Variants in AKT3 observed in about 807,000 individuals in gnomAD.
AKT3 encodes RAC-gamma serine/threonine-protein kinase.
AKT3 carries 15 observed loss-of-function variants against 65.3 expected under a neutral mutation model. That is an observed-to-expected ratio of 0.23 (90% CI 0.15 to 0.35). The LOEUF (loss-of-function observed/expected upper bound fraction) is 0.35, where lower values mean the gene tolerates loss of function less well. Among genes scored for constraint, AKT3 ranks in the 10% least tolerant of loss-of-function variants. The pLI is 1.00. For missense variants in AKT3, 243 were observed against 576.5 expected (o/e 0.42, Z 5.92); for synonymous variants, 206 against 183.8 (o/e 1.12, Z -0.98).
chr1:243,762,107 T>C (rs1472224980), intron 2 of AKT3, among the ~76,000 whole-genome samples: 1 of 152,128 alleles, frequency 6.6e-6, no homozygotes. Flanking sequence ...ATTCTGAGTG[T>C]CTAAGAATTT....
At chr1:243,554,186 G>C (rs989079548) in intron 10 of AKT3, among the ~76,000 whole-genome samples, 8 of 151,998 alleles carry the variant, frequency 5.3e-5, no homozygotes, top group African/African-American at 1.9e-4. Flanking sequence ...CTTTGGTAGG[G>C]TATTTAAAGA....
chr1:243,700,728 C>T (rs941333383), intron 2 of AKT3, among the ~76,000 whole-genome samples: 1 of 151,858 alleles, frequency 6.6e-6, no homozygotes, highest in Admixed American at 6.6e-5. Context: ...GGTCTCGATC[C>T]CTTGACCTCA....
intron 2 of AKT3, among the ~76,000 whole-genome samples, chr1:243,766,004 G>A (rs563612784): frequency 2.4e-4 from 37 of 152,264 alleles, no homozygotes; most frequent in Middle Eastern, 3.4e-3. Flanking sequence ...GTCCAAAGAG[G>A]TTTAAGCATT....
At chr1:243,736,794 A>C (rs897964863) in intron 2 of AKT3, among the ~76,000 whole-genome samples, 5 of 152,208 alleles carry the variant, frequency 3.3e-5, no homozygotes, top group African/African-American at 9.7e-5. Flanking sequence ...AAAACACCTC[A>C]AAGTCCACGT....
intron 2 of AKT3, among the ~76,000 whole-genome samples, chr1:243,698,629 A>G (rs979746200): frequency 1.3e-5 from 2 of 152,136 alleles, no homozygotes; most frequent in Admixed American, 6.6e-5. Context: ...CAAACGTAAT[A>G]CAGTATACCA....
At chr1:243,619,316 G>A (rs1354973034) in intron 6 of AKT3, among the ~76,000 whole-genome samples, 1 of 152,110 alleles carries the variant, frequency 6.6e-6, no homozygotes, top group Non-Finnish European at 1.5e-5. Context: ...TTAGGGTAAT[G>A]GGGATATTCA....
intron 4 of AKT3, among the ~76,000 whole-genome samples, chr1:243,648,878 T>C (rs1344992598): frequency 6.6e-6 from 1 of 152,170 alleles, no homozygotes; most frequent in African/African-American, 2.4e-5. Flanking sequence ...TTTGGTTTTA[T>C]TAATTATTCT....
chr1:243,818,751 C>T (rs893579396), intron 2 of AKT3, among the ~76,000 whole-genome samples: 1 of 151,130 alleles, frequency 6.6e-6, no homozygotes, highest in South Asian at 2.1e-4. Flanking sequence ...AAATAGAAAT[C>T]GCTGTGGCCA....
At chr1:243,636,288 G>T (rs1159390659) in intron 6 of AKT3, among the ~76,000 whole-genome samples, 1 of 151,858 alleles carries the variant, frequency 6.6e-6, no homozygotes, top group Non-Finnish European at 1.5e-5. Context: ...ATTTAATACT[G>T]ATGGCATGTA....
intron 4 of AKT3, among the ~76,000 whole-genome samples, chr1:243,658,864 CAAAAAAAAAAAA>C (rs58117921): frequency 1.2e-5 from 1 of 82,922 alleles, no homozygotes; most frequent in Non-Finnish European, 2.4e-5. Context: ...CTTGTCTCTA[CAAAAAAAAAAAA>C]AAAAAAAAAT....
At chr1:243,565,849 TTTA>T (rs1171712914) in intron 9 of AKT3, among the ~76,000 whole-genome samples, 1 of 138,982 alleles carries the variant, frequency 7.2e-6, no homozygotes, top group African/African-American at 2.5e-5. Flanking sequence ...TATATGCCCT[TTTA>T]TTAATTTTTA....
At chr1:243,729,340 T>C (rs770115642) in intron 2 of AKT3, among the ~76,000 whole-genome samples, 1 of 152,106 alleles carries the variant, frequency 6.6e-6, no homozygotes, top group Non-Finnish European at 1.5e-5. Flanking sequence ...AGACTGGTAA[T>C]ACAAGAGAGG....
intron 2 of AKT3, among the ~76,000 whole-genome samples, chr1:243,767,552 C>A (rs904031730): frequency 6.6e-6 from 1 of 151,678 alleles, no homozygotes. Context: ...TAATAGATAA[C>A]TTTTTAATTA....
intron 1 of AKT3, among the ~76,000 whole-genome samples, chr1:243,849,270 A>G (rs1020868456): frequency 1.3e-5 from 2 of 152,118 alleles, no homozygotes; most frequent in Non-Finnish European, 2.9e-5. Context: ...TCACTGGATC[A>G]GCCAAACCCA....
chr1:243,764,327 T>A (rs1053391135), intron 2 of AKT3, among the ~76,000 whole-genome samples: 1 of 152,048 alleles, frequency 6.6e-6, no homozygotes, highest in Non-Finnish European at 1.5e-5. Context: ...AGAAAATTAG[T>A]CAAAATGCAA....
At chr1:243,828,253 T>A (rs568196481) in intron 2 of AKT3, among the ~76,000 whole-genome samples, 1 of 152,174 alleles carries the variant, frequency 6.6e-6, no homozygotes, top group African/African-American at 2.4e-5. Flanking sequence ...TAAGAGCTAA[T>A]CACACATTAT....
At chr1:243,642,372 C>G (rs750532467) in intron 5 of AKT3, among the ~76,000 whole-genome samples, 2 of 152,348 alleles carry the variant, frequency 1.3e-5, no homozygotes, top group East Asian at 1.9e-4. Flanking sequence ...TGCAGTGGCA[C>G]GATCTCGGCT....
chr1:243,593,377 C>G (rs1676368491), intron 8 of AKT3, among the ~76,000 whole-genome samples: 1 of 152,124 alleles, frequency 6.6e-6, no homozygotes, highest in African/African-American at 2.4e-5. Context: ...ATTTGAATGT[C>G]AATGTAATTT....
At chr1:243,690,386 C>G (rs1684612256) in intron 3 of AKT3, among the ~76,000 whole-genome samples, 1 of 152,128 alleles carries the variant, frequency 6.6e-6, no homozygotes, top group African/African-American at 2.4e-5. Context: ...AGCCCTGAGA[C>G]AATGTATGTA....
Sources: gnomAD v4.1 joint callset for allele counts (sites outside exome capture counted in the v4.1 genomes callset) on GRCh38, gnomAD v4.1.1 for gene constraint, MANE v1.5 for transcripts, NCBI Gene and HGNC (gene_info 2026-07-23, HGNC 2026-07-21) for gene names.